SSBP4: variants seen among roughly 807,000 people sequenced by gnomAD.
SSBP4 encodes single-stranded DNA-binding protein 4.
Under a neutral mutation model 64.6 loss-of-function variants are expected in SSBP4, and 33 were observed. The ratio of observed to expected loss-of-function variants is 0.51; its 90% confidence interval spans 0.39 to 0.68. The LOEUF is 0.68. SSBP4 is among the 30% of genes least tolerant of loss of function. The pLI is 0.00. For missense variants in SSBP4, 583 were observed against 566.8 expected, an observed-to-expected ratio of 1.03 and a Z score of -0.29; for synonymous variants, 243 against 224.0, an observed-to-expected ratio of 1.08 and a Z score of -0.76.
At chr19:18,431,967 G>T (rs769063266) in intron 8 of SSBP4, 33 bp from the exon 9 acceptor site, 2 of 1,552,434 alleles carry the variant, frequency 1.3e-6, no homozygotes, top group Admixed American at 3.7e-5. Flanking sequence ...GAATGGTCCA[G>T]GTCCAAGTCC....
rs761670109 is a variant in SSBP4 at position 18,433,115 on chromosome 19, C to T, written c.913-20C>T. 5.0e-6 allele frequency: 8 copies of T among 1,612,032 alleles called. No individual in the cohort carries two copies. Among genetic ancestry groups the T allele is most frequent in the Middle Eastern group, 1.6e-4 (1 of 6,080 alleles). Reference sequence around the variant, plus strand: ...TGGGGAATGGGTGGCCCGAGTCCCACGCTGTCCCCATGCCCGCAGTTCCCG... The same window carrying T: ...TGGGGAATGGGTGGCCCGAGTCCCATGCTGTCCCCATGCCCGCAGTTCCCG... On this transcript the variant is annotated intron_variant, in intron 14 of 17. Coordinates refer to ENST00000270061, the MANE Select transcript of SSBP4 (RefSeq NM_032627.5).
chr19:18,431,351 A>G lies in SSBP4; in HGVS notation c.370-2A>G. ...CCCACCCACCTGGTTCTGTCCTCCT[A>G]GGGCCCCCCCGGCTCCCAGCCGTCC... On this transcript the variant is annotated splice_acceptor_variant, in intron 5 of 17. Transcript: ENST00000270061. LOFTEE classifies it high-confidence loss of function. 4.7e-6 allele frequency: 3 copies of G among 637,420 alleles called. No homozygotes were observed. The highest frequency in any genetic ancestry group is 7.5e-6 in the Non-Finnish European group (3 of 398,098). 39.5% of individuals were successfully genotyped at this position (637,420 alleles called of 1,614,324 possible). A position where few individuals can be genotyped will look rare whatever the true frequency, so the allele number is the denominator to read the frequency against.
At position 18,433,458 on chromosome 19, in the gene SSBP4, C is replaced by A. The variant is rs1973662314; in HGVS notation, c.992-127C>A. ...TCCACCTGGCCTCAGTCCCGGGGTT[C>A]CTGGCGGGCTGTGCGGGGCGGGGGC... On this transcript the variant is annotated intron_variant, in intron 15 of 17. Coordinates refer to ENST00000270061, the MANE Select transcript of SSBP4 (RefSeq NM_032627.5). 6 of 1,477,252 alleles carry A rather than the reference C, an allele frequency of 4.1e-6. No individual in the cohort carries two copies. In the Admixed American group the frequency reaches 9.9e-5, roughly 24 times the overall value. 91.5% of individuals were successfully genotyped at this position (1,477,252 alleles called of 1,614,324 possible). A position where few individuals can be genotyped will look rare whatever the true frequency, so the allele number is the denominator to read the frequency against.
chr19:18,424,277 C>T (rs1044427531), intron 1 of SSBP4, among the ~76,000 whole-genome samples: 9 of 152,194 alleles, frequency 5.9e-5, no homozygotes, highest in African/African-American at 1.4e-4. Context: ...AGGAGGGGGT[C>T]CCCGGGCCGG....
chr19:18,409,271 C>T, the SSBP4 span, among the ~76,000 whole-genome samples: 2 of 150,698 alleles, frequency 1.3e-5, no homozygotes, highest in Non-Finnish European at 2.9e-5. Context: ...ACTGCAACCT[C>T]TACCTCCCAG....
chr19:18,412,576 T>C, the SSBP4 span, among the ~76,000 whole-genome samples: 46 of 152,060 alleles, frequency 3.0e-4, no homozygotes, highest in African/African-American at 1.0e-3. Flanking sequence ...CACTCCCTGA[T>C]TTGTGTCCCC....
chr19:18,431,926 ACCTTGCTGCCTC>A, intron 8 of SSBP4, 62 bp from the exon 9 acceptor site: 1 of 1,563,608 alleles, frequency 6.4e-7, no homozygotes, highest in Non-Finnish European at 8.7e-7. Flanking sequence ...CAGAGCCCAG[ACCTTGCTGCCTC>A]CCCACTGTCC....
chr19:18,432,312 C>T, intron 10 of SSBP4, 98 bp downstream of exon 10: 1 of 1,477,978 alleles, frequency 6.8e-7, no homozygotes, highest in Non-Finnish European at 9.2e-7. Context: ...TCAGGACAGC[C>T]TTGGATATTG....
Position 18,434,187 on chromosome 19 carries a change from C to G in SSBP4, c.1129-30C>G, listed in dbSNP as rs747619167. On this transcript the variant is annotated intron_variant, in intron 17 of 17. Transcript: ENST00000270061. ...GCCTCTTCCGGAGCTGAACTCGGCC[C>G]CTGCGCGCTGCCCCCTCCTCTCTCC... 3 of 1,610,088 alleles carry G rather than the reference C, an allele frequency of 1.9e-6. No homozygotes were observed. The South Asian group carries it at 3.3e-5, about 18-fold the overall frequency.
At chr19:18,418,115 A>T (rs1003040985), upstream of SSBP4, among the ~76,000 whole-genome samples, 4 of 152,068 alleles carry the variant, frequency 2.6e-5, no homozygotes, top group African/African-American at 9.7e-5. The surrounding 1 kb of genome is among the most constrained non-coding windows in gnomAD (Gnocchi z 6.7). Context: ...CCCGACTCGG[A>T]CCCACAACTG....
chr19:18,429,234 C>CG (rs1370692108), intron 4 of SSBP4, among the ~76,000 whole-genome samples: 1 of 151,496 alleles, frequency 6.6e-6, no homozygotes, highest in African/African-American at 2.4e-5. Context: ...CCCTCCGAGG[C>CG]GGGGGAGGGG....
upstream of SSBP4, chr19:18,419,088 A>G (rs1027467298): frequency 3.9e-5 from 38 of 984,948 alleles, no homozygotes; most frequent in Admixed American, 6.2e-5. Flanking sequence ...CGCTATGTTG[A>G]GTGTCGCTGC....
At position 18,430,710 on chromosome 19, in the gene SSBP4, AGTGT is replaced by A. The variant is rs1973289287; in HGVS notation, c.280-129_280-126del. On this transcript the variant is annotated intron_variant, in intron 4 of 17. Coordinates refer to ENST00000270061, the MANE Select transcript of SSBP4 (RefSeq NM_032627.5). ...CACAGATCCTCAGGCCGACAACCCC[AGTGT>A]GCTCACTGACCAATGCCAGCTCGCT... 3.7e-5 allele frequency: 26 copies of A among 708,970 alleles called. No homozygotes were observed. The South Asian group carries it at 5.1e-4, about 14-fold the overall frequency. The allele number at this position is 708,970 out of a possible 1,614,324, so 43.9% of individuals were successfully genotyped here. A position where few individuals can be genotyped will look rare whatever the true frequency, so the allele number is the denominator to read the frequency against.
At chr19:18,420,642 G>A (rs1457238970) in intron 1 of SSBP4, among the ~76,000 whole-genome samples, 1 of 152,026 alleles carries the variant, frequency 6.6e-6, no homozygotes, top group Non-Finnish European at 1.5e-5. Context: ...GTCGGATCAC[G>A]AGGCCAAGAG....
rs1254746456 is a variant in SSBP4 at position 18,426,746 on chromosome 19, G to T, written c.60-605G>T. 6.6e-6 allele frequency among the ~76,000 whole-genome samples: 1 copy of T among 152,128 alleles called. No homozygotes were observed. Among genetic ancestry groups the T allele is most frequent in the Admixed American group, 6.5e-5 (1 of 15,274 alleles). ...GTAGGGCAGCACCACTGCAGACATG[G>T]CACTGCAGGCCCTACCTCCCCTGGC... On this transcript the variant is annotated intron_variant, in intron 1 of 17. Transcript: ENST00000270061. The surrounding 1 kb of genome is among the most constrained non-coding windows in gnomAD (Gnocchi z 4.5).
At chr19:18,422,469 G>C (rs183806412) in intron 1 of SSBP4, among the ~76,000 whole-genome samples, 1 of 152,292 alleles carries the variant, frequency 6.6e-6, no homozygotes, top group East Asian at 1.9e-4. Flanking sequence ...TATAAGTGTT[G>C]GTTTGGAGGT....
the SSBP4 span, among the ~76,000 whole-genome samples, chr19:18,413,688 G>A: frequency 6.6e-6 from 1 of 152,202 alleles, no homozygotes; most frequent in Admixed American, 6.5e-5. Flanking sequence ...AGTCCTGTCG[G>A]AGACCTTAGG....
At chr19:18,413,990 C>G (rs1357687148), upstream of SSBP4, among the ~76,000 whole-genome samples, 3 of 151,888 alleles carry the variant, frequency 2.0e-5, no homozygotes, top group African/African-American at 7.3e-5. Flanking sequence ...GCACTCCAGC[C>G]TGGGCAACAG....
In SSBP4 at chr19:18,432,489, G is replaced by A. The variant is rs1294954362; in HGVS notation, c.705-70G>A. On this transcript the variant is annotated intron_variant, in intron 10 of 17. Transcript: ENST00000270061. ...TGGGGATACAGTGGAGCAGGGTGTG[G>A]GGGGTGTGTGGTGAGGGCTGTGATC... 6 of 1,512,886 alleles carry A rather than the reference G, an allele frequency of 4.0e-6. No homozygotes were observed. The East Asian group carries it at 1.4e-4, about 34-fold the overall frequency. The allele number at this position is 1,512,886 out of a possible 1,614,324, so 93.7% of individuals were successfully genotyped here.
Sources: allele counts gnomAD v4.1 joint callset (sites outside exome capture counted in the v4.1 genomes callset), GRCh38; gene constraint gnomAD v4.1.1; non-coding constraint Gnocchi (gnomAD v3.1); transcripts MANE v1.5; gene names NCBI Gene and HGNC (gene_info 2026-07-23, HGNC 2026-07-21).